The following COL4A4 variants were observed in gnomAD, a reference collection of about 807,000 sequenced individuals.
COL4A4 encodes collagen alpha-4(IV) chain.
In COL4A4, 105 loss-of-function variants were observed where a neutral mutation model predicts 192.9. That is an observed-to-expected ratio of 0.54 (90% CI 0.46 to 0.64). The LOEUF (loss-of-function observed/expected upper bound fraction) is 0.64, where lower values mean the gene tolerates loss of function less well. COL4A4 is among the 30% of genes least tolerant of loss of function. COL4A4 has a pLI of 0.00. For synonymous variants in COL4A4, 762 were observed against 769.9 expected, an observed-to-expected ratio of 0.99 and a Z score of 0.17; for missense variants, 1,967 against 2,169.3, an observed-to-expected ratio of 0.91 and a Z score of 1.85.
rs1330925753 is a variant in COL4A4 at position 227,123,226 on chromosome 2, G to A, written c.193-2078C>T. Among the ~76,000 whole-genome samples the A allele has an allele frequency of 5.3e-5, 8 of 150,346 alleles. No individual in the cohort carries two copies. The highest frequency in any genetic ancestry group is 1.5e-4 in the African/African-American group (6 of 39,726). Reference sequence around the variant, plus strand: ...CAGGCCCAGACACCAGGAGGGAGATGGGGCAGGAGCCCCGTAAAAATAGTG... The same window carrying A: ...CAGGCCCAGACACCAGGAGGGAGATAGGGCAGGAGCCCCGTAAAAATAGTG... On this transcript the variant is annotated intron_variant, in intron 4 of 47. Transcript: ENST00000396625. This position sits in a 1 kb window ranked among gnomAD's most constrained non-coding sequence, Gnocchi z 4.6.
At chr2:227,143,044 A>T (rs1468804955) in intron 3 of COL4A4, among the ~76,000 whole-genome samples, 3 of 152,176 alleles carry the variant, frequency 2.0e-5, no homozygotes, top group African/African-American at 4.8e-5. Context: ...AGATGAGCAC[A>T]TGGGCACACA....
At chr2:227,100,659 C>T (rs979172855) in intron 17 of COL4A4, among the ~76,000 whole-genome samples, 6 of 152,060 alleles carry the variant, frequency 3.9e-5, no homozygotes, top group African/African-American at 1.2e-4. Context: ...ACTAATCTCC[C>T]ACAGATAACA....
the COL4A4 span, among the ~76,000 whole-genome samples, chr2:226,968,781 T>C: frequency 1.3e-5 from 2 of 152,188 alleles, no homozygotes; most frequent in Middle Eastern, 3.2e-3. Flanking sequence ...AGCCAAGGCA[T>C]GAAAGTATAA....
chr2:227,163,153 G>A lies in COL4A4; in HGVS notation c.-102+854C>T, dbSNP rs536401456. 2.6e-5 allele frequency among the ~76,000 whole-genome samples: 4 copies of A among 152,326 alleles called. No individual in the cohort carries two copies. In the South Asian group the frequency reaches 8.3e-4, roughly 32 times the overall value. On this transcript the variant is annotated intron_variant, in intron 1 of 47. Coordinates refer to ENST00000396625, the MANE Select transcript of COL4A4 (RefSeq NM_000092.5). The stretch of plus-strand genomic sequence containing the variant: ...GTGATCTGTATAGGAAACTCACATA[G>A]GAAAATAAGTTGCATCTTTACTTTT...
chr2:227,157,832 T>G (rs1434408492), intron 1 of COL4A4, among the ~76,000 whole-genome samples: 2 of 151,966 alleles, frequency 1.3e-5, no homozygotes, highest in Non-Finnish European at 2.9e-5. Context: ...AAACATTTAA[T>G]GAAAAAATAA....
intron 25 of COL4A4, among the ~76,000 whole-genome samples, chr2:227,075,405 CAG>C (rs1409152080): frequency 6.6e-6 from 1 of 152,058 alleles, no homozygotes; most frequent in Non-Finnish European, 1.5e-5. Flanking sequence ...ATTATTTTAA[CAG>C]AGACAGAAAA....
chr2:227,011,605 C>T (rs1180394667), intron 45 of COL4A4, among the ~76,000 whole-genome samples: 2 of 152,202 alleles, frequency 1.3e-5, no homozygotes, highest in Non-Finnish European at 2.9e-5. Flanking sequence ...GATCCATGCG[C>T]CTAACGAGCT....
intron 22 of COL4A4, among the ~76,000 whole-genome samples, chr2:227,086,764 A>C (rs1022382189): frequency 6.6e-6 from 1 of 152,210 alleles, no homozygotes; most frequent in African/African-American, 2.4e-5. Flanking sequence ...AGAGCCATTA[A>C]AATCTTCACT....
At position 227,108,642 on chromosome 2, in the gene COL4A4, G is replaced by C. The variant is rs749978718; in HGVS notation, c.694-20C>G. The C allele has an allele frequency of 3.7e-6, 6 of 1,613,366 alleles. No individual in the cohort carries two copies. The African/African-American group carries it at 4.0e-5, about 11-fold the overall frequency. On this transcript the variant is annotated intron_variant, in intron 11 of 47. Coordinates refer to ENST00000396625, the MANE Select transcript of COL4A4 (RefSeq NM_000092.5). Reference sequence around the variant, plus strand: ...ATTTCCCTGAGAAAGAAATGAAAAAGAATCTAATTGCTTTTGAATTTTAAA... The same window carrying C: ...ATTTCCCTGAGAAAGAAATGAAAAACAATCTAATTGCTTTTGAATTTTAAA...
Position 227,123,907 on chromosome 2 carries a change from A to G in COL4A4, c.193-2759T>C, listed in dbSNP as rs573293576. On this transcript the variant is annotated intron_variant, in intron 4 of 47. Transcript: ENST00000396625. This position sits in a 1 kb window ranked among gnomAD's most constrained non-coding sequence, Gnocchi z 4.6. ...TCCTGGGTTTGAAGCCCAGGACCACACTGACTTGCTGTGTGACCTTGGGTA... is the reference window on the plus strand; with the variant it reads ...TCCTGGGTTTGAAGCCCAGGACCACGCTGACTTGCTGTGTGACCTTGGGTA... Among the ~76,000 whole-genome samples, 2 of 152,244 alleles carry G rather than the reference A, an allele frequency of 1.3e-5. No homozygotes were observed. The highest frequency in any genetic ancestry group is 2.4e-5 in the African/African-American group (1 of 41,546).
downstream of COL4A4, among the ~76,000 whole-genome samples, chr2:227,002,237 G>GTTGT (rs1466466444): frequency 1.5e-4 from 22 of 150,322 alleles, 1 homozygote; most frequent in African/African-American, 4.2e-4. Flanking sequence ...CTACCCCCAT[G>GTTGT]TTGTTTGGCT....
chr2:227,095,290 C>G (rs1056415886), intron 19 of COL4A4, among the ~76,000 whole-genome samples: 2 of 152,130 alleles, frequency 1.3e-5, no homozygotes, highest in African/African-American at 4.8e-5. Flanking sequence ...AATATTGTAC[C>G]TATCACAGCA....
chr2:227,060,113 A>AAAAAAAAAAAAAAAAAAAAAAC, intron 27 of COL4A4, 23 bp downstream of exon 27: 1 of 1,269,948 alleles, frequency 7.9e-7, no homozygotes, highest in Non-Finnish European at 1.1e-6. Context: ...AAAAAAAAAA[A>AAAAAAAAAAAAAAAAAAAAAAC]AAAAAAAAAA....
chr2:227,027,521 T>G (rs910994098), intron 42 of COL4A4, among the ~76,000 whole-genome samples: 2 of 148,980 alleles, frequency 1.3e-5, no homozygotes, highest in African/African-American at 4.9e-5. Context: ...CATTAGGAGA[T>G]ATACCTAATG....
chr2:227,008,557 G>T (rs1453054261), intron 46 of COL4A4, among the ~76,000 whole-genome samples: 1 of 152,190 alleles, frequency 6.6e-6, no homozygotes, highest in Non-Finnish European at 1.5e-5. Flanking sequence ...ACATCTCTGT[G>T]TTCAGGAAGC....
intron 40 of COL4A4, among the ~76,000 whole-genome samples, chr2:227,031,739 G>A (rs577542563): frequency 3.3e-5 from 5 of 152,188 alleles, no homozygotes; most frequent in African/African-American, 1.2e-4. Flanking sequence ...TTGAAGAGAG[G>A]GCCAAGTCCT....
chr2:227,091,678 G>C (rs755096677), intron 20 of COL4A4, among the ~76,000 whole-genome samples: 1 of 152,058 alleles, frequency 6.6e-6, no homozygotes, highest in African/African-American at 2.4e-5. Flanking sequence ...CAGATCACCT[G>C]GGGTCAGGAG....
intron 37 of COL4A4, among the ~76,000 whole-genome samples, chr2:227,039,103 T>A (rs775139203): frequency 6.6e-6 from 1 of 152,176 alleles, no homozygotes; most frequent in African/African-American, 2.4e-5. Context: ...GGAATTATGA[T>A]GTGATTGGAG....
chr2:227,003,036 A>C lies in COL4A4; in HGVS notation c.*4289T>G, dbSNP rs994293677. ...TGACAATTGCAGAGTACTGATTTTT[A>C]ATGTCAATTGTTTGTTCCCTGCAGA... On this transcript the variant is annotated 3_prime_UTR_variant, in exon 48 of 48. Transcript: ENST00000396625. 5.2e-5 allele frequency: 8 copies of C among 152,720 alleles called. No homozygotes were observed. Among genetic ancestry groups the C allele is most frequent in the Non-Finnish European group, 1.2e-4 (8 of 68,026 alleles). The allele number at this position is 152,720 out of a possible 1,614,324, so 9.5% of individuals were successfully genotyped here. A position where few individuals can be genotyped will look rare whatever the true frequency, so the allele number is the denominator to read the frequency against.
Sources: gnomAD v4.1 joint callset for allele counts (sites outside exome capture counted in the v4.1 genomes callset) on GRCh38, gnomAD v4.1.1 for gene constraint, Gnocchi (gnomAD v3.1) non-coding constraint, MANE v1.5 for transcripts, NCBI Gene and HGNC (gene_info 2026-07-23, HGNC 2026-07-21) for gene names.